The following GON4L variants were observed in gnomAD, a reference collection of about 807,000 sequenced individuals.
The protein encoded by GON4L is GON-4-like protein.
GON4L carries 87 observed loss-of-function variants against 211.8 expected under a neutral mutation model. The observed-to-expected ratio is 0.41, with a 90% confidence interval of 0.35 to 0.49. The LOEUF (loss-of-function observed/expected upper bound fraction) is 0.49, where lower values mean the gene tolerates loss of function less well. GON4L is among the 20% of genes least tolerant of loss of function. The pLI, the probability that GON4L is intolerant of heterozygous loss-of-function variation, is 0.15. For missense variants in GON4L, 2,155 were observed against 2,659.5 expected (o/e 0.81, Z 4.17); for synonymous variants, 875 against 962.6 (o/e 0.91, Z 1.68).
intron 11 of GON4L, among the ~76,000 whole-genome samples, chr1:155,797,817 C>T (rs1666221762): frequency 2.7e-5 from 4 of 150,382 alleles, no homozygotes; most frequent in Admixed American, 2.7e-4. Flanking sequence ...CATGCCACTG[C>T]ACTCCAGCCT....
intron 3 of GON4L, among the ~76,000 whole-genome samples, chr1:155,824,301 G>A (rs939167564): frequency 6.6e-6 from 1 of 151,234 alleles, no homozygotes; most frequent in Non-Finnish European, 1.5e-5. Flanking sequence ...GGCCATGGTG[G>A]CACGTGCCTG....
chr1:155,824,927 T>A (rs1180092864), intron 3 of GON4L, among the ~76,000 whole-genome samples: 1 of 151,674 alleles, frequency 6.6e-6, no homozygotes, highest in Non-Finnish European at 1.5e-5. Context: ...AAGGAGGGAC[T>A]GCTCGAGCCC....
Position 155,853,319 on chromosome 1 carries a change from C to A in GON4L, c.462G>T (p.Glu154Asp). ...EDRCDHLTLK[E>D]PFSGEPSEEV... Reference sequence around the variant, plus strand: ...CTTCACTAGGCTCTCCTGAAAAAGGCTCCTTTAGGGTAAGATGATCACATC... The same window carrying A: ...CTTCACTAGGCTCTCCTGAAAAAGGATCCTTTAGGGTAAGATGATCACATC... The change falls in exon 2 of 32, where the codon GAG becomes GAT. Residue 154 changes from glutamate (E) to aspartate (D), a missense_variant. Around this residue, in one of 6 missense-constraint regions of GON4L, gnomAD observed 313 missense variants for 293.2 expected, o/e 1.07. Coordinates refer to ENST00000368331, the MANE Select transcript of GON4L (RefSeq NM_001282860.2). 1 of 1,614,122 alleles carries A rather than the reference C, an allele frequency of 6.2e-7. No homozygotes were observed. The highest frequency in any genetic ancestry group is 1.7e-5 in the Admixed American group (1 of 60,016).
chr1:155,801,797 C>T (rs963025532), intron 11 of GON4L, among the ~76,000 whole-genome samples: 1 of 152,022 alleles, frequency 6.6e-6, no homozygotes, highest in South Asian at 2.1e-4. Flanking sequence ...ACAGGAGAAT[C>T]GCTTGAACCC....
intron 12 of GON4L, among the ~76,000 whole-genome samples, chr1:155,793,553 T>C (rs1172809831): frequency 6.6e-6 from 1 of 152,198 alleles, no homozygotes; most frequent in Non-Finnish European, 1.5e-5. Flanking sequence ...TTTCTCCCCA[T>C]AGGTAGAATT....
chr1:155,839,568 T>C (rs192070905), intron 2 of GON4L, among the ~76,000 whole-genome samples: 5 of 151,914 alleles, frequency 3.3e-5, no homozygotes, highest in Non-Finnish European at 2.9e-5. Flanking sequence ...GGAGAATTGC[T>C]TGAACCCGGG....
intron 19 of GON4L, among the ~76,000 whole-genome samples, chr1:155,770,357 G>A (rs1045058905): frequency 1.3e-5 from 2 of 152,072 alleles, no homozygotes; most frequent in East Asian, 1.9e-4. Flanking sequence ...AAGTGACACA[G>A]CATCTCCACA....
intron 2 of GON4L, among the ~76,000 whole-genome samples, chr1:155,851,715 CA>C (rs113649637): frequency 2.8e-5 from 4 of 144,180 alleles, no homozygotes; most frequent in Non-Finnish European, 4.6e-5. Flanking sequence ...GACTCCGTAT[CA>C]AAAAAAAAAT....
At chr1:155,790,273 T>G (rs145618753) in intron 12 of GON4L, among the ~76,000 whole-genome samples, 2,211 of 151,906 alleles carry the variant, frequency 0.015, 214 homozygotes, top group Admixed American at 0.13. Context: ...CTAATTTTTG[T>G]ATTTATAGTA....
chr1:155,849,843 G>A (rs965581420), intron 2 of GON4L, among the ~76,000 whole-genome samples: 19 of 149,636 alleles, frequency 1.3e-4, no homozygotes, highest in Non-Finnish European at 2.7e-4. Context: ...CATCTCTCCC[G>A]GCTTCCTGAA....
intron 6 of GON4L, among the ~76,000 whole-genome samples, chr1:155,818,186 G>T (rs1668422491): frequency 6.6e-6 from 1 of 151,248 alleles, no homozygotes; most frequent in Non-Finnish European, 1.5e-5. Context: ...CAGTGGCATG[G>T]TCTCCGCTCA....
chr1:155,846,925 C>T (rs1221878160), intron 2 of GON4L, among the ~76,000 whole-genome samples: 1 of 151,910 alleles, frequency 6.6e-6, no homozygotes, highest in East Asian at 1.9e-4. Context: ...GCAGAAGAAT[C>T]GCTTCAACCG....
intron 27 of GON4L, among the ~76,000 whole-genome samples, chr1:155,754,749 C>G (rs1300755599): frequency 1.3e-5 from 2 of 151,396 alleles, no homozygotes; most frequent in Non-Finnish European, 2.9e-5. Flanking sequence ...AGGCTGGTCT[C>G]GAACTCCTGA....
At chr1:155,800,418 A>C (rs1197881315) in intron 11 of GON4L, among the ~76,000 whole-genome samples, 2 of 148,050 alleles carry the variant, frequency 1.4e-5, no homozygotes, top group African/African-American at 5.0e-5. Context: ...TTAGCCAGGC[A>C]TGGTGGCACA....
At chr1:155,809,483 C>T (rs1017707393) in intron 10 of GON4L, among the ~76,000 whole-genome samples, 1 of 149,174 alleles carries the variant, frequency 6.7e-6, no homozygotes, top group Admixed American at 6.8e-5. Context: ...GATTAAATGA[C>T]TCAGAGCTAT....
chr1:155,750,771 T>C (rs1460957042), intron 31 of GON4L, 38 bp from the exon 32 acceptor site: 5 of 1,549,556 alleles, frequency 3.2e-6, no homozygotes, highest in Non-Finnish European at 4.4e-6. Flanking sequence ...TGGTCTTTTT[T>C]TTTTGTTTTT....
chr1:155,753,849 G>T (rs1660866366), intron 28 of GON4L, among the ~76,000 whole-genome samples: 1 of 151,708 alleles, frequency 6.6e-6, no homozygotes, highest in Non-Finnish European at 1.5e-5. Flanking sequence ...GTGCCCTGTT[G>T]CCCAGCTATT....
intron 1 of GON4L, among the ~76,000 whole-genome samples, chr1:155,855,085 A>C (rs1228777580): frequency 2.0e-5 from 3 of 151,928 alleles, no homozygotes; most frequent in Non-Finnish European, 4.4e-5. Context: ...CTTTGTGTCG[A>C]AACAAGGAAG....
In GON4L at chr1:155,752,377, C is replaced by G; in HGVS notation, c.6056G>C (p.Gly2019Ala). ...CTCTGACTCACTCACTGCCTTTTGGCCCTCCCTCTCTTTCTGAAGTCTGGG... is the reference window on the plus strand; with the variant it reads ...CTCTGACTCACTCACTGCCTTTTGGGCCTCCCTCTCTTTCTGAAGTCTGGG... ...ASPRLQKERE[G>A]QKAVSESEAL... The change falls in exon 30 of 32, where the codon GGC (glycine) becomes GCC (alanine). Residue 2019 changes from glycine (G) to alanine (A), a missense_variant. Gly to Ala is a moderately conservative substitution (Grantham distance 60). Coordinates refer to ENST00000368331, the MANE Select transcript of GON4L (RefSeq NM_001282860.2). 6.3e-7 allele frequency: 1 copy of G among 1,594,836 alleles called. No individual in the cohort carries two copies. Among genetic ancestry groups the G allele is most frequent in the Non-Finnish European group, 8.6e-7 (1 of 1,168,788 alleles).
Sources: gnomAD v4.1 joint callset for allele counts (sites outside exome capture counted in the v4.1 genomes callset) on GRCh38, gnomAD v4.1.1 for gene constraint, gnomAD v4.1.1 regional missense constraint, MANE v1.5 for transcripts, NCBI Gene and HGNC (gene_info 2026-07-23, HGNC 2026-07-21) for gene names.